The following RNF4 variants were observed in gnomAD, a reference collection of about 807,000 sequenced individuals.
RNF4 encodes E3 ubiquitin-protein ligase RNF4.
A neutral mutation model predicts 24.3 loss-of-function variants in RNF4; 7 were observed. The ratio of observed to expected loss-of-function variants is 0.29; its 90% CI spans 0.16 to 0.54. The LOEUF (loss-of-function observed/expected upper bound fraction) is 0.54, where lower values mean the gene tolerates loss of function less well. Ranked by LOEUF, RNF4 falls within the 20% of genes least tolerant of loss-of-function variation. RNF4 has a pLI of 0.95. For synonymous variants in RNF4, 83 were observed against 84.3 expected (o/e 0.98, Z 0.09); for missense variants, 209 against 248.5 (o/e 0.84, Z 1.07).
intron 1 of RNF4, among the ~76,000 whole-genome samples, chr4:2,484,978 G>A (rs1560403229): frequency 6.6e-6 from 1 of 152,126 alleles, no homozygotes; most frequent in East Asian, 1.9e-4. Context: ...GGTGTAGTCA[G>A]TGAGGCTTGT....
chr4:2,510,410 T>C (rs1025405302), intron 4 of RNF4, among the ~76,000 whole-genome samples: 2 of 152,132 alleles, frequency 1.3e-5, no homozygotes, highest in Non-Finnish European at 2.9e-5. Flanking sequence ...CTCATATCTT[T>C]GGGTTCGTGT....
chr4:2,480,606 A>G (rs1478306779), intron 1 of RNF4: 1 of 152,080 alleles, frequency 6.6e-6, no homozygotes, highest in East Asian at 1.9e-4. Flanking sequence ...TCTCATTTAC[A>G]TGTTTGTGCC....
chr4:2,508,212 G>A (rs1019628049), intron 4 of RNF4, among the ~76,000 whole-genome samples: 1 of 152,168 alleles, frequency 6.6e-6, no homozygotes, highest in African/African-American at 2.4e-5. Context: ...TTCAGTTCAG[G>A]GGATTAGTTA....
intron 4 of RNF4, among the ~76,000 whole-genome samples, chr4:2,503,183 T>C (rs1203861): frequency 0.16 from 23,668 of 152,110 alleles, 2,501 homozygotes; most frequent in Middle Eastern, 0.25. Flanking sequence ...CAGCTTTGTT[T>C]TGTTTTGATG....
rs144408721 is a variant in RNF4 at position 2,490,077 on chromosome 4, G to A, written c.-157-260G>A. ...CGCACCTCCTCCCAGCAGTTAGCAC[G>A]GTACCTTGCCAAGGTGGCAGGAGCC... On this transcript the variant is annotated intron_variant, in intron 1 of 7. Transcript: ENST00000314289. 3.9e-4 allele frequency among the ~76,000 whole-genome samples: 59 copies of A among 152,202 alleles called. No homozygotes were observed. In the Middle Eastern group the frequency reaches 0.024, roughly 61 times the overall value.
At position 2,514,081 on chromosome 4, in the gene RNF4, G is replaced by A. The variant is rs1378226103; in HGVS notation, c.*262G>A. 2 of 427,224 alleles carry A rather than the reference G, an allele frequency of 4.7e-6. No individual in the cohort carries two copies. Among genetic ancestry groups the A allele is most frequent in the Non-Finnish European group, 8.4e-6 (2 of 237,184 alleles). The allele number at this position is 427,224 out of a possible 1,614,324, so 26.5% of individuals were successfully genotyped here. ...TGGGAGAAAGGGAGTCAGGCGCATT[G>A]GGAATCGTGGTTCCAGTCTGGTTGC... On this transcript the variant is annotated 3_prime_UTR_variant, in exon 8 of 8. Transcript: ENST00000314289.
At chr4:2,500,503 G>A (rs1341017284) in intron 3 of RNF4, among the ~76,000 whole-genome samples, 156 bp from the exon 4 acceptor site, 1 of 152,222 alleles carries the variant, frequency 6.6e-6, no homozygotes, top group East Asian at 1.9e-4. Context: ...TCCCTCCTGA[G>A]GGAGGTGTTG....
intron 3 of RNF4, among the ~76,000 whole-genome samples, chr4:2,500,156 CAAAAAAA>C (rs5855735): frequency 1.3e-5 from 1 of 77,210 alleles, no homozygotes; most frequent in African/African-American, 4.7e-5. Context: ...GACTCTGTCT[CAAAAAAA>C]AAAAAAAAAA....
chr4:2,475,429 C>A (rs1735039381), intron 1 of RNF4, among the ~76,000 whole-genome samples: 1 of 152,124 alleles, frequency 6.6e-6, no homozygotes, highest in African/African-American at 2.4e-5. Flanking sequence ...AGCTCCGCCT[C>A]CCAGGTTCAC....
chr4:2,473,021 C>G (rs1734954479), intron 1 of RNF4, among the ~76,000 whole-genome samples: 1 of 151,032 alleles, frequency 6.6e-6, no homozygotes, highest in South Asian at 2.1e-4. Context: ...GCCTGGGCAA[C>G]AGAGCGAGAC....
In RNF4 at chr4:2,498,328, C is replaced by T. The variant is rs559774416; in HGVS notation, c.124+1207C>T. On this transcript the variant is annotated intron_variant, in intron 3 of 7. Coordinates refer to ENST00000314289, the MANE Select transcript of RNF4 (RefSeq NM_002938.5). The stretch of plus-strand genomic sequence containing the variant: ...CTTCCCAAGTAGCTGGGATCATAGG[C>T]GCCCACCACCACACCCGGCTAAATT... Among the ~76,000 whole-genome samples the T allele has an allele frequency of 4.6e-5, 7 of 152,194 alleles. No homozygotes were observed. The South Asian group carries it at 8.3e-4, about 18-fold the overall frequency.
intron 1 of RNF4, among the ~76,000 whole-genome samples, chr4:2,488,689 C>T (rs1444174323): frequency 6.6e-6 from 1 of 152,194 alleles, no homozygotes; most frequent in East Asian, 1.9e-4. Flanking sequence ...CTGGAATCCT[C>T]ACACACCATT....
At chr4:2,490,629 AT>A in intron 2 of RNF4, 127 bp downstream of exon 2, 1 of 983,706 alleles carries the variant, frequency 1.0e-6, no homozygotes, top group Non-Finnish European at 1.5e-6. Flanking sequence ...TTGAAGGAGT[AT>A]GTATAGGAGC....
intron 2 of RNF4, among the ~76,000 whole-genome samples, chr4:2,492,197 C>CAAA (rs1211407930): frequency 5.1e-4 from 62 of 122,294 alleles, no homozygotes; most frequent in African/African-American, 1.7e-3. Flanking sequence ...GACTCCATCT[C>CAAA]AAAAAAAAAA....
At chr4:2,511,904 A>G (rs1447623121) in intron 4 of RNF4, 52 bp from the exon 5 acceptor site, 4 of 1,560,210 alleles carry the variant, frequency 2.6e-6, no homozygotes, top group South Asian at 1.2e-5. Flanking sequence ...TTTATCACTT[A>G]TATCAAACTG....
intron 4 of RNF4, among the ~76,000 whole-genome samples, chr4:2,510,119 T>A (rs1323415353): frequency 1.3e-5 from 2 of 152,226 alleles, no homozygotes; most frequent in African/African-American, 2.4e-5. Context: ...TGGCTCCACG[T>A]ATGTGGATTA....
chr4:2,512,311 G>T lies in RNF4; in HGVS notation c.215-127G>T, dbSNP rs548574421. The stretch of plus-strand genomic sequence containing the variant: ...AACCTTCTGGGTTATAGCTGAGCAT[G>T]GCAGCAGTTTGTCTCTGGGGGTCCC... On this transcript the variant is annotated intron_variant, in intron 5 of 7. Coordinates refer to ENST00000314289, the MANE Select transcript of RNF4 (RefSeq NM_002938.5). This position sits in a 1 kb window ranked among gnomAD's most constrained non-coding sequence, Gnocchi z 4.1. 234 of 1,117,104 alleles carry T rather than the reference G, an allele frequency of 2.1e-4. No homozygotes were observed. Among genetic ancestry groups the T allele is most frequent in the Non-Finnish European group, 2.8e-4 (211 of 759,118 alleles). The allele number at this position is 1,117,104 out of a possible 1,614,324, so 69.2% of individuals were successfully genotyped here. A position where few individuals can be genotyped will look rare whatever the true frequency, so the allele number is the denominator to read the frequency against.
chr4:2,478,875 C>CT, intron 1 of RNF4, among the ~76,000 whole-genome samples: 1 of 152,328 alleles, frequency 6.6e-6, no homozygotes, highest in East Asian at 1.9e-4. Context: ...CACTGTCCTC[C>CT]ACACCCCAGA....
chr4:2,469,616 C>G (rs1734829861), intron 1 of RNF4: 1 of 152,240 alleles, frequency 6.6e-6, no homozygotes, highest in East Asian at 1.9e-4. Context: ...GGGGAAGACC[C>G]GGGCAGGGTT....
Sources: gnomAD v4.1 joint callset for allele counts (sites outside exome capture counted in the v4.1 genomes callset) on GRCh38, gnomAD v4.1.1 for gene constraint, Gnocchi (gnomAD v3.1) non-coding constraint, MANE v1.5 for transcripts, NCBI Gene and HGNC (gene_info 2026-07-23, HGNC 2026-07-21) for gene names.